Variants in MYO5B observed in about 807,000 individuals in gnomAD.
MYO5B encodes the protein myosin VB.
MYO5B carries 143 observed loss-of-function variants against 229.3 expected under a neutral mutation model. The ratio of observed to expected loss-of-function variants is 0.62; its 90% CI spans 0.54 to 0.72. MYO5B has a LOEUF of 0.72. Among genes scored for constraint, MYO5B ranks in the 30% least tolerant of loss-of-function variants. MYO5B has a pLI of 0.00. For missense variants in MYO5B, 2,321 were observed against 2,331.0 expected (o/e 1.00, Z 0.09); for synonymous variants, 918 against 885.2 (o/e 1.04, Z -0.66).
intron 1 of MYO5B, chr18:50,097,266 A>G (rs1319761352): frequency 4.4e-6 from 2 of 456,702 alleles, no homozygotes; most frequent in South Asian, 3.1e-5. Context: ...AGGCCAGTGC[A>G]TGCTGGCTTG....
chr18:49,850,108 G>C (rs919880471), intron 31 of MYO5B: 1 of 280,708 alleles, frequency 3.6e-6, no homozygotes, highest in South Asian at 3.9e-5. Flanking sequence ...AGGGCCCAGC[G>C]GCAAAACAGG....
At position 49,906,400 on chromosome 18, in the gene MYO5B, C is replaced by G. The variant is rs776165873; in HGVS notation, c.2414+19G>C. 4 of 1,612,584 alleles carry G rather than the reference C, an allele frequency of 2.5e-6. No individual in the cohort carries two copies. In the Admixed American group the frequency reaches 6.7e-5, roughly 27 times the overall value. ...CCCCACCATGATCTGCTGCCCTGAG[C>G]TGCCACAGTCTGGCTCACCTGCGGG... On this transcript the variant is annotated intron_variant, in intron 19 of 39. Transcript: ENST00000285039.
chr18:50,128,063 C>T (rs1463579898), intron 1 of MYO5B, among the ~76,000 whole-genome samples: 1 of 152,242 alleles, frequency 6.6e-6, no homozygotes, highest in East Asian at 1.9e-4. Flanking sequence ...ATCAGCTCTC[C>T]TGGGTTTCCA....
intron 21 of MYO5B, among the ~76,000 whole-genome samples, chr18:49,896,727 G>A (rs1483460519): frequency 6.6e-6 from 1 of 152,142 alleles, no homozygotes; most frequent in Non-Finnish European, 1.5e-5. Flanking sequence ...GGACTCTAAT[G>A]CGAAGTATGA....
At chr18:49,924,281 C>T (rs984952634) in intron 17 of MYO5B, among the ~76,000 whole-genome samples, 1 of 152,176 alleles carries the variant, frequency 6.6e-6, no homozygotes, top group African/African-American at 2.4e-5. Context: ...AAATATCTTA[C>T]TAAATGCTCA....
chr18:49,882,608 C>T (rs1167360114), intron 22 of MYO5B, among the ~76,000 whole-genome samples: 4 of 66,690 alleles, frequency 6.0e-5, no homozygotes, highest in Admixed American at 2.2e-4. Flanking sequence ...AGCCTGGCAA[C>T]AGATCAAGAA....
chr18:49,942,389 A>AC (rs1423728955), intron 14 of MYO5B, among the ~76,000 whole-genome samples: 12 of 73,418 alleles, frequency 1.6e-4, no homozygotes, highest in African/African-American at 2.4e-4. Context: ...GCAAAAAAAA[A>AC]AAAAAAAAAA....
chr18:49,875,343 C>G lies in MYO5B; in HGVS notation c.3537+344G>C, dbSNP rs112955246. On this transcript the variant is annotated intron_variant, in intron 26 of 39. Transcript: ENST00000285039. Reference sequence around the variant, plus strand: ...CAGGTATGAAAGGGCGATAGGTCATCTCTGTGTACATTTGACTTCTGCTGT... The same window carrying G: ...CAGGTATGAAAGGGCGATAGGTCATGTCTGTGTACATTTGACTTCTGCTGT... Among the ~76,000 whole-genome samples the G allele has an allele frequency of 1.8e-3, 268 of 152,298 alleles. 1 individual carries two copies. Among genetic ancestry groups the G allele is most frequent in the African/African-American group, 6.1e-3 (252 of 41,558 alleles).
rs747664489 is a variant in MYO5B at position 50,055,251 on chromosome 18, C to T, written c.138+17G>A. 1.4e-6 allele frequency: 2 copies of T among 1,395,358 alleles called. No homozygotes were observed. Among genetic ancestry groups the T allele is most frequent in the South Asian group, 1.2e-5 (1 of 86,350 alleles). 86.4% of individuals were successfully genotyped at this position (1,395,358 alleles called of 1,614,324 possible). The stretch of plus-strand genomic sequence containing the variant: ...CCCCACCTCACCCCCGCCCCCCTGC[C>T]CCGGACTCACTCTTACCGTTTCATC... On this transcript the variant is annotated intron_variant, in intron 2 of 39. Transcript: ENST00000285039.
intron 9 of MYO5B, 71 bp from the exon 10 acceptor site, chr18:49,974,686 C>T: frequency 1.9e-6 from 3 of 1,551,582 alleles, no homozygotes; most frequent in Non-Finnish European, 2.6e-6. Context: ...ATGTCTTCCA[C>T]CCTCCTGCCC....
At chr18:50,034,553 G>T (rs2026427317) in intron 4 of MYO5B, among the ~76,000 whole-genome samples, 2 of 152,178 alleles carry the variant, frequency 1.3e-5, no homozygotes, top group African/African-American at 4.8e-5. Context: ...AGGCCAGCCT[G>T]GCCAACATGG....
intron 6 of MYO5B, among the ~76,000 whole-genome samples, chr18:49,991,023 C>T (rs2025926145): frequency 6.6e-6 from 1 of 151,544 alleles, no homozygotes; most frequent in African/African-American, 2.4e-5. Context: ...TGGCCTTACA[C>T]CGGTGGGGTG....
At chr18:49,932,037 T>C (rs981817991) in intron 16 of MYO5B, among the ~76,000 whole-genome samples, 3 of 152,244 alleles carry the variant, frequency 2.0e-5, no homozygotes, top group South Asian at 2.1e-4. Context: ...ACATGGGCTA[T>C]GGGACCAGCT....
At chr18:50,036,730 A>G (rs1337590426) in intron 4 of MYO5B, 120 bp downstream of exon 4, 1 of 1,176,676 alleles carries the variant, frequency 8.5e-7, no homozygotes, top group Non-Finnish European at 1.3e-6. Flanking sequence ...TGTTTCCAAG[A>G]TGTTTCCTCA....
chr18:49,889,174 A>G (rs1328266980), intron 22 of MYO5B, among the ~76,000 whole-genome samples: 2 of 152,220 alleles, frequency 1.3e-5, no homozygotes, highest in African/African-American at 2.4e-5. Flanking sequence ...GTTGACCAAA[A>G]TATCTAGAAT....
intron 1 of MYO5B, among the ~76,000 whole-genome samples, chr18:50,113,224 A>C (rs1387936646): frequency 5.3e-5 from 8 of 152,252 alleles, no homozygotes; most frequent in African/African-American, 1.9e-4. Context: ...GGCATAAAAC[A>C]GTGAACAAAA....
intron 1 of MYO5B, among the ~76,000 whole-genome samples, chr18:50,071,639 A>G (rs1696056892): frequency 6.6e-6 from 1 of 152,246 alleles, no homozygotes. Flanking sequence ...ATGGAGTCTG[A>G]TGACACTGCA....
intron 3 of MYO5B, among the ~76,000 whole-genome samples, chr18:50,039,323 GTTGTTTTGTT>G (rs546398102): frequency 3.3e-5 from 5 of 152,092 alleles, no homozygotes; most frequent in African/African-American, 1.2e-4. Flanking sequence ...AGTTTATTTC[GTTGTTTTGTT>G]TTGTTTTGTT....
chr18:50,046,988 A>G (rs544682827), intron 2 of MYO5B, among the ~76,000 whole-genome samples: 76 of 152,236 alleles, frequency 5.0e-4, no homozygotes, highest in African/African-American at 1.8e-3. Flanking sequence ...TAAAAACCCT[A>G]GAAGAAAACC....
Sources: allele counts gnomAD v4.1 joint callset (sites outside exome capture counted in the v4.1 genomes callset), GRCh38; gene constraint gnomAD v4.1.1; transcripts MANE v1.5; gene names NCBI Gene and HGNC (gene_info 2026-07-23, HGNC 2026-07-21).